Variants in DIAPH3 observed in about 807,000 individuals in gnomAD.
DIAPH3 encodes the protein diaphanous related formin 3.
Under a neutral mutation model 144.3 loss-of-function variants are expected in DIAPH3, and 117 were observed. That is an observed-to-expected ratio of 0.81 (90% CI 0.70 to 0.95). The LOEUF is 0.95. Ranked by LOEUF, DIAPH3 falls within the 40% of genes least tolerant of loss-of-function variation. The probability of loss-of-function intolerance (pLI) is 0.00; values close to 1 mark genes in which losing one functional copy is unlikely to be tolerated. For missense variants in DIAPH3, 1,421 were observed against 1,412.7 expected (o/e 1.01, Z -0.09); for synonymous variants, 519 against 488.9 (o/e 1.06, Z -0.81).
chr13:59,958,375 T>A (rs1478798560), intron 17 of DIAPH3, among the ~76,000 whole-genome samples: 1 of 152,080 alleles, frequency 6.6e-6, no homozygotes, highest in Non-Finnish European at 1.5e-5. Flanking sequence ...AGAGTAACAA[T>A]CTGTGTTTTA....
intron 27 of DIAPH3, among the ~76,000 whole-genome samples, chr13:59,682,403 C>A (rs2032992318): frequency 2.0e-5 from 3 of 152,140 alleles, no homozygotes; most frequent in Non-Finnish European, 4.4e-5. Flanking sequence ...CTCACTGTAG[C>A]CTCAAAATCC....
chr13:59,963,243 T>A (rs1251895885), intron 17 of DIAPH3, among the ~76,000 whole-genome samples: 1 of 152,184 alleles, frequency 6.6e-6, no homozygotes, highest in Non-Finnish European at 1.5e-5. Flanking sequence ...TAAGATCATA[T>A]GCCCAAATGA....
At chr13:59,816,588 C>T (rs891376898) in intron 24 of DIAPH3, among the ~76,000 whole-genome samples, 1 of 151,438 alleles carries the variant, frequency 6.6e-6, no homozygotes, top group Non-Finnish European at 1.5e-5. Context: ...CTCATTTTTG[C>T]CTTTTATGTC....
chr13:59,886,043 A>T (rs934087565), intron 20 of DIAPH3, among the ~76,000 whole-genome samples: 4 of 152,184 alleles, frequency 2.6e-5, no homozygotes, highest in African/African-American at 9.6e-5. Flanking sequence ...CTATTAAATT[A>T]GTAAAAAATA....
At chr13:59,755,816 C>G (rs936762127) in intron 27 of DIAPH3, among the ~76,000 whole-genome samples, 1 of 151,848 alleles carries the variant, frequency 6.6e-6, no homozygotes, top group East Asian at 1.9e-4. Flanking sequence ...GGCCAAGGTT[C>G]AGAATACATA....
At chr13:60,050,765 A>C (rs1173985442) in intron 4 of DIAPH3, among the ~76,000 whole-genome samples, 1 of 151,712 alleles carries the variant, frequency 6.6e-6, no homozygotes, top group Non-Finnish European at 1.5e-5. Context: ...TATAAGATGA[A>C]ATAAACATTT....
intron 12 of DIAPH3, among the ~76,000 whole-genome samples, 182 bp downstream of exon 12, chr13:59,990,976 T>G (rs1008452390): frequency 2.0e-4 from 30 of 151,948 alleles, no homozygotes; most frequent in African/African-American, 6.8e-4. Context: ...TAAAAAGTAA[T>G]AGTAATATCA....
At chr13:59,828,045 C>T (rs1454437409) in intron 24 of DIAPH3, among the ~76,000 whole-genome samples, 1 of 151,984 alleles carries the variant, frequency 6.6e-6, no homozygotes, top group East Asian at 1.9e-4. Context: ...TGCTATACAA[C>T]ACTACATGAA....
chr13:59,865,421 A>G (rs1196018085), intron 21 of DIAPH3, among the ~76,000 whole-genome samples: 1 of 152,052 alleles, frequency 6.6e-6, no homozygotes, highest in Non-Finnish European at 1.5e-5. Context: ...GAAAGAAAAT[A>G]AAATATTTGC....
chr13:60,090,414 CTACTTTGAGGGTTAA>C (rs1187457059), intron 4 of DIAPH3, among the ~76,000 whole-genome samples: 45 of 151,910 alleles, frequency 3.0e-4, no homozygotes, highest in African/African-American at 1.0e-3. Context: ...TACGTTAGGC[CTACTTTGAGGGTTAA>C]TACTTTGAGG....
chr13:60,103,977 C>A (rs1456066685), intron 3 of DIAPH3, among the ~76,000 whole-genome samples: 3 of 151,846 alleles, frequency 2.0e-5, no homozygotes, highest in Non-Finnish European at 4.4e-5. Context: ...TAAAAAAAAA[C>A]AGAAGATTTC....
Position 59,806,117 on chromosome 13 carries a change from T to G in DIAPH3, c.3163+4671A>C, listed in dbSNP as rs553038938. Reference sequence around the variant, plus strand: ...GGTTTATGGCAGAGTTATGTGAAGATTTCTCTCTTCCTCCATCATCCAGGG... The same window carrying G: ...GGTTTATGGCAGAGTTATGTGAAGAGTTCTCTCTTCCTCCATCATCCAGGG... On this transcript the variant is annotated intron_variant, in intron 25 of 27. Coordinates refer to ENST00000400324, the MANE Select transcript of DIAPH3 (RefSeq NM_001042517.2). 2.2e-4 allele frequency among the ~76,000 whole-genome samples: 33 copies of G among 152,102 alleles called. 1 individual carries two copies. In the South Asian group the frequency reaches 6.8e-3, roughly 32 times the overall value.
At chr13:59,936,326 A>G (rs762645792) in intron 17 of DIAPH3, among the ~76,000 whole-genome samples, 1 of 152,186 alleles carries the variant, frequency 6.6e-6, no homozygotes, top group Non-Finnish European at 1.5e-5. Context: ...AATTATAATA[A>G]TTAGCAACTT....
intron 20 of DIAPH3, among the ~76,000 whole-genome samples, chr13:59,885,242 CAT>C (rs1232358391): frequency 6.6e-6 from 1 of 152,008 alleles, no homozygotes; most frequent in African/African-American, 2.4e-5. Context: ...ACATAAGTTT[CAT>C]ATCTCTTGAA....
At chr13:59,910,847 G>A (rs1407809892) in intron 20 of DIAPH3, among the ~76,000 whole-genome samples, 1 of 149,230 alleles carries the variant, frequency 6.7e-6, no homozygotes, top group Non-Finnish European at 1.5e-5. Context: ...TTTAACTTTG[G>A]TGGTAGCAAG....
At chr13:59,944,423 A>T (rs891366793) in intron 17 of DIAPH3, among the ~76,000 whole-genome samples, 5 of 152,218 alleles carry the variant, frequency 3.3e-5, no homozygotes, top group African/African-American at 1.2e-4. Context: ...CATACAGAGA[A>T]AGAAGCAAAC....
chr13:60,105,099 CA>C (rs60853102), intron 3 of DIAPH3, among the ~76,000 whole-genome samples: 1,914 of 41,730 alleles, frequency 0.046, 7 homozygotes, highest in East Asian at 0.076. Flanking sequence ...GACACGATCT[CA>C]AAAAAAAAAA....
chr13:59,737,274 A>T (rs1156463918), intron 27 of DIAPH3, among the ~76,000 whole-genome samples: 1 of 150,076 alleles, frequency 6.7e-6, no homozygotes, highest in Non-Finnish European at 1.5e-5. Context: ...AATATCCAGC[A>T]TCTATAAGGA....
At chr13:60,088,192 A>G (rs1317961520) in intron 4 of DIAPH3, among the ~76,000 whole-genome samples, 2 of 147,838 alleles carry the variant, frequency 1.4e-5, no homozygotes, top group East Asian at 3.9e-4. Flanking sequence ...GGAAAAAGAC[A>G]ACTCGCAAAG....
Sources: gnomAD v4.1 joint callset for allele counts (sites outside exome capture counted in the v4.1 genomes callset) on GRCh38, gnomAD v4.1.1 for gene constraint, MANE v1.5 for transcripts, NCBI Gene and HGNC (gene_info 2026-07-23, HGNC 2026-07-21) for gene names.